The following ABCA13 variants were observed in gnomAD, a reference collection of about 807,000 sequenced individuals.
ABCA13 encodes the protein ATP-binding cassette sub-family A member 13.
A neutral mutation model predicts 478.7 loss-of-function variants in ABCA13; 476 were observed. That is an observed-to-expected ratio of 0.99 (90% CI 0.92 to 1.07). The LOEUF (loss-of-function observed/expected upper bound fraction) is 1.07. Among genes scored for constraint, ABCA13 ranks in the 50% least tolerant of loss-of-function variants. The pLI, the probability that ABCA13 is intolerant of heterozygous loss-of-function variation, is 0.00. For missense variants in ABCA13, 6,060 were observed against 5,910.6 expected, an observed-to-expected ratio of 1.03 and a Z score of -0.83; for synonymous variants, 2,252 against 2,158.9, an observed-to-expected ratio of 1.04 and a Z score of -1.20.
At chr7:48,223,502 A>T (rs932882850) in intron 5 of ABCA13, among the ~76,000 whole-genome samples, 3 of 152,074 alleles carry the variant, frequency 2.0e-5, no homozygotes, top group Non-Finnish European at 4.4e-5. Flanking sequence ...TTTCTAGGAG[A>T]TGGGGATGAT....
chr7:48,455,402 T>C lies in ABCA13; in HGVS notation c.12815+116T>C, dbSNP rs1253034029. The C allele has an allele frequency of 2.2e-6, 3 of 1,375,358 alleles. No homozygotes were observed. The Admixed American group carries it at 7.7e-5, about 35-fold the overall frequency. 85.2% of individuals were successfully genotyped at this position (1,375,358 alleles called of 1,614,324 possible). A position where few individuals can be genotyped will look rare whatever the true frequency, so the allele number is the denominator to read the frequency against. ...AAACTGGAAATATAAATGTTTTCAT[T>C]ATTTCCGAGGTCTGAATTCACGAGG... On this transcript the variant is annotated intron_variant, in intron 43 of 61. Transcript: ENST00000435803.
intron 56 of ABCA13, among the ~76,000 whole-genome samples, chr7:48,583,470 T>C: frequency 6.6e-6 from 1 of 152,320 alleles, no homozygotes; most frequent in East Asian, 1.9e-4. Flanking sequence ...TAGATGTATG[T>C]GTGAATCTCA....
rs1462296420 is a variant in ABCA13 at position 48,278,382 on chromosome 7, G to A, written c.7188G>A (p.Val2396=). The change falls in exon 18 of 62, where the codon GTG becomes GTA. Residue 2396 remains valine, a synonymous_variant. Coordinates refer to ENST00000435803, the MANE Select transcript of ABCA13 (RefSeq NM_152701.5). ...FTVVSQLFFH[V]NKSEDLFKLN... The stretch of plus-strand genomic sequence containing the variant: ...TGGTGAGTCAGTTGTTTTTCCATGT[G>A]AATAAGTCTGAGGACCTCTTCAAAC... 1 of 1,613,782 alleles carries A rather than the reference G, an allele frequency of 6.2e-7. No homozygotes were observed. Among genetic ancestry groups the A allele is most frequent in the East Asian group, 2.2e-5 (1 of 44,848 alleles).
chr7:48,424,262 G>C (rs1410177535), intron 41 of ABCA13, among the ~76,000 whole-genome samples: 1 of 152,106 alleles, frequency 6.6e-6, no homozygotes, highest in Non-Finnish European at 1.5e-5. Context: ...GCAGTATTTT[G>C]CATCTCCTCA....
chr7:48,263,656 T>G (rs1794491068), intron 15 of ABCA13, among the ~76,000 whole-genome samples: 2 of 151,054 alleles, frequency 1.3e-5, no homozygotes, highest in South Asian at 2.1e-4. Context: ...GAAATGAGTG[T>G]CAAAATTTTA....
At chr7:48,635,154 G>C (rs1794523873) in intron 59 of ABCA13, among the ~76,000 whole-genome samples, 1 of 147,004 alleles carries the variant, frequency 6.8e-6, no homozygotes, top group Non-Finnish European at 1.5e-5. Flanking sequence ...TCTCCCAATT[G>C]CCTTTCACCA....
intron 39 of ABCA13, among the ~76,000 whole-genome samples, chr7:48,406,763 C>T (rs1332642065): frequency 2.6e-5 from 4 of 152,048 alleles, no homozygotes; most frequent in Admixed American, 1.3e-4. Flanking sequence ...GTCCTAGCTA[C>T]TTGGGAGGCT....
intron 55 of ABCA13, among the ~76,000 whole-genome samples, chr7:48,539,691 C>G (rs1833832272): frequency 6.6e-6 from 1 of 152,056 alleles, no homozygotes; most frequent in Non-Finnish European, 1.5e-5. Flanking sequence ...CTTTTTTATT[C>G]TCTCGACATT....
chr7:48,497,625 G>A lies in ABCA13; in HGVS notation c.13291+8281G>A, dbSNP rs902429721. On this transcript the variant is annotated intron_variant, in intron 48 of 61. Coordinates refer to ENST00000435803, the MANE Select transcript of ABCA13 (RefSeq NM_152701.5). ...CCTGTGGGCCTGATGACACCACCCT[G>A]GCTAGGCAAAGGTAGAGAACTGACT... is the stretch of plus-strand genomic sequence containing the variant. 3.3e-5 allele frequency among the ~76,000 whole-genome samples: 5 copies of A among 152,228 alleles called. No homozygotes were observed. The East Asian group carries it at 5.8e-4, about 18-fold the overall frequency.
chr7:48,401,053 G>A (rs1817535847), intron 38 of ABCA13, among the ~76,000 whole-genome samples: 1 of 152,204 alleles, frequency 6.6e-6, no homozygotes, highest in Non-Finnish European at 1.5e-5. Context: ...TGGCTTCAGA[G>A]TGCTAGTGGT....
At chr7:48,424,712 G>A (rs534372957) in intron 41 of ABCA13, among the ~76,000 whole-genome samples, 1 of 152,166 alleles carries the variant, frequency 6.6e-6, no homozygotes, top group African/African-American at 2.4e-5. Flanking sequence ...CTGGATGTTA[G>A]GGTTACCTGA....
At chr7:48,629,824 A>G (rs1003811871) in intron 59 of ABCA13, among the ~76,000 whole-genome samples, 7 of 151,882 alleles carry the variant, frequency 4.6e-5, no homozygotes, top group African/African-American at 9.7e-5. Flanking sequence ...TAGCCAAATC[A>G]AGTCACGTGG....
At chr7:48,644,424 T>C (rs1586080145) in intron 60 of ABCA13, among the ~76,000 whole-genome samples, 193 bp from the exon 61 acceptor site, 1 of 152,312 alleles carries the variant, frequency 6.6e-6, no homozygotes, top group East Asian at 1.9e-4. Context: ...GCAATGCCAC[T>C]CAGTTGAACG....
chr7:48,411,051 T>TTTC lies in ABCA13; in HGVS notation c.12228+375_12228+376insTCT, dbSNP rs1819067407. 4.4e-5 allele frequency among the ~76,000 whole-genome samples: 3 copies of TTTC among 68,118 alleles called. 1 individual carries two copies. The highest frequency in any genetic ancestry group is 6.9e-5 in the Non-Finnish European group (2 of 29,060). The allele number at this position is 68,118 out of a possible 152,430, so 44.7% of individuals were successfully genotyped here. A position where few individuals can be genotyped will look rare whatever the true frequency, so the allele number is the denominator to read the frequency against. ...TCTTTCTTTCTTTCTTTCTTTCTTT[T>TTTC]TCTTTCTTTCTTTCTTTCTTTTTCT... On this transcript the variant is annotated intron_variant, in intron 40 of 61. Coordinates refer to ENST00000435803, the MANE Select transcript of ABCA13 (RefSeq NM_152701.5).
chr7:48,507,402 A>C (rs1399722819), intron 49 of ABCA13, among the ~76,000 whole-genome samples: 1 of 152,188 alleles, frequency 6.6e-6, no homozygotes, highest in African/African-American at 2.4e-5. Context: ...AGAGCACCTC[A>C]ATCTATTGCA....
At chr7:48,524,660 A>T (rs562462144) in intron 54 of ABCA13, among the ~76,000 whole-genome samples, 1 of 152,288 alleles carries the variant, frequency 6.6e-6, no homozygotes, top group East Asian at 1.9e-4. Flanking sequence ...ATTTTGTTTT[A>T]TAATGTTAAA....
At chr7:48,399,295 A>C (rs1012085161) in intron 38 of ABCA13, among the ~76,000 whole-genome samples, 1 of 152,184 alleles carries the variant, frequency 6.6e-6, no homozygotes, top group Non-Finnish European at 1.5e-5. Flanking sequence ...GAGAATGAAT[A>C]ATTGGATTGA....
chr7:48,369,299 G>GT (rs1216781708), intron 32 of ABCA13, among the ~76,000 whole-genome samples: 1 of 151,914 alleles, frequency 6.6e-6, no homozygotes, highest in East Asian at 1.9e-4. Context: ...GTCATTTGCT[G>GT]GATATATAGA....
At chr7:48,636,009 A>G (rs1022095226) in intron 59 of ABCA13, among the ~76,000 whole-genome samples, 2 of 152,168 alleles carry the variant, frequency 1.3e-5, no homozygotes, top group Admixed American at 6.5e-5. Flanking sequence ...ATCTATTTAT[A>G]TCTATTTCAT....
Sources: gnomAD v4.1 joint callset for allele counts (sites outside exome capture counted in the v4.1 genomes callset) on GRCh38, gnomAD v4.1.1 for gene constraint, MANE v1.5 for transcripts, NCBI Gene and HGNC (gene_info 2026-07-23, HGNC 2026-07-21) for gene names.